The following PPP4R1 variants were observed in gnomAD, a reference collection of about 807,000 sequenced individuals.
PPP4R1 encodes serine/threonine-protein phosphatase 4 regulatory subunit 1.
PPP4R1 carries 42 observed loss-of-function variants against 111.2 expected under a neutral mutation model. The observed-to-expected ratio is 0.38, with a 90% CI of 0.29 to 0.49. PPP4R1 has a LOEUF of 0.49. PPP4R1 is among the 20% of genes least tolerant of loss of function. The pLI is 0.97. For missense variants in PPP4R1, 1,012 were observed against 1,161.6 expected (o/e 0.87, Z 1.87); for synonymous variants, 409 against 405.5 (o/e 1.01, Z -0.10).
Position 9,578,190 on chromosome 18 carries a change from T to C in PPP4R1, c.919-999A>G, listed in dbSNP as rs188727764. On this transcript the variant is annotated intron_variant, in intron 9 of 19. Transcript: ENST00000400556. ...AGGCAACAACAATGGGAAACTGGTATGTTACTAAAACCTTGACTTTGCCAC... is the reference window on the plus strand; with the variant it reads ...AGGCAACAACAATGGGAAACTGGTACGTTACTAAAACCTTGACTTTGCCAC... 1.2e-4 allele frequency among the ~76,000 whole-genome samples: 19 copies of C among 152,326 alleles called. No individual in the cohort carries two copies. In the East Asian group the frequency reaches 3.7e-3, roughly 29 times the overall value.
intron 2 of PPP4R1, among the ~76,000 whole-genome samples, chr18:9,609,056 C>CTA (rs1209069959): frequency 6.7e-6 from 1 of 150,276 alleles, no homozygotes; most frequent in African/African-American, 2.5e-5. Context: ...CTCTCTGTCT[C>CTA]TCTCTCTCTC....
chr18:9,593,783 A>G lies in PPP4R1; in HGVS notation c.280T>C (p.Leu94=). 6.2e-7 allele frequency: 1 copy of G among 1,613,476 alleles called. No individual in the cohort carries two copies. The change falls in exon 4 of 20, where the codon TTG becomes CTG. Residue 94 remains leucine, a synonymous_variant. Coordinates refer to ENST00000400556, the MANE Select transcript of PPP4R1 (RefSeq NM_001042388.3). ...CIAVLERISR[L]ADDSEPTVRA... ...CCACATATACCTGAATCATCGGCCA[A>G]TCTGCTAATTCTTTCCAAAACAGCA... is the stretch of plus-strand genomic sequence containing the variant.
intron 16 of PPP4R1, 36 bp from the exon 17 acceptor site, chr18:9,550,434 A>C (rs773735738): frequency 1.3e-6 from 2 of 1,552,758 alleles, no homozygotes. Context: ...AATGTTTAAA[A>C]ATCAGCGAGA....
upstream of PPP4R1, among the ~76,000 whole-genome samples, chr18:9,615,666 G>A (rs1239179054): frequency 6.6e-6 from 1 of 152,194 alleles, no homozygotes; most frequent in African/African-American, 2.4e-5. Flanking sequence ...CTCCAAAATG[G>A]TGTTCTCCTA....
intron 8 of PPP4R1, 125 bp from the exon 9 acceptor site, chr18:9,583,400 TCTTTTGC>T: frequency 7.9e-6 from 8 of 1,019,044 alleles, no homozygotes; most frequent in Non-Finnish European, 1.1e-5. Context: ...AGAGTCTCAC[TCTTTTGC>T]CCAGGCTGGA....
Position 9,614,494 on chromosome 18 carries a change from G to C in PPP4R1, c.-10C>G. 1 of 1,029,114 alleles carries C rather than the reference G, an allele frequency of 9.7e-7. No homozygotes were observed. 63.7% of individuals were successfully genotyped at this position (1,029,114 alleles called of 1,614,324 possible). A position where few individuals can be genotyped will look rare whatever the true frequency, so the allele number is the denominator to read the frequency against. On this transcript the variant is annotated 5_prime_UTR_variant, in exon 1 of 20. Transcript: ENST00000400556. The surrounding 1 kb of genome is among the most constrained non-coding windows in gnomAD (Gnocchi z 4.1). ...GCCACGTACCCGCCATCTTGTGGTC[G>C]CCCCCTCCTCCGCGGCCGCCCGGGG...
At chr18:9,558,395 C>T (rs535104148) in intron 14 of PPP4R1, among the ~76,000 whole-genome samples, 2 of 152,268 alleles carry the variant, frequency 1.3e-5, no homozygotes, top group South Asian at 2.1e-4. Flanking sequence ...ACTGAAAACA[C>T]GAATACACAG....
chr18:9,549,349 G>A lies in PPP4R1; in HGVS notation c.2548-11C>T. ...ATCCTCAATGACAGTCTGGGGAAGA[G>A]AAACAGCTGCTCTAGGCTTCTCTGT... is the stretch of plus-strand genomic sequence containing the variant. On this transcript the variant is annotated splice_polypyrimidine_tract_variant and intron_variant, in intron 18 of 19. Transcript: ENST00000400556. The A allele has an allele frequency of 6.3e-7, 1 of 1,592,918 alleles. No homozygotes were observed. The highest frequency in any genetic ancestry group is 8.6e-7 in the Non-Finnish European group (1 of 1,162,098).
At chr18:9,594,752 G>T (rs1186623777) in intron 3 of PPP4R1, 16 of 375,862 alleles carry the variant, frequency 4.3e-5, no homozygotes, top group South Asian at 3.0e-4. Context: ...CAATTTATAT[G>T]AATACCAAAA....
chr18:9,550,055 G>T lies in PPP4R1; in HGVS notation c.2544C>A (p.Cys848Ter), dbSNP rs1316715341. The change falls in exon 18 of 20, where the codon TGC becomes TGA. Residue 848 changes from cysteine (C) to a stop codon, truncating the protein, a stop_gained. Transcript: ENST00000400556. LOFTEE classifies it high-confidence loss of function. ...GTAAGCCCAGGGCCTCGCTTACCTG[G>T]CAGACAAAGACAAAGGCTTGCCGAC... ...WSGRQAFVFV[C>*]QTVIEDDCLP... 6.2e-7 allele frequency: 1 copy of T among 1,614,046 alleles called. No individual in the cohort carries two copies. Among genetic ancestry groups the T allele is most frequent in the Non-Finnish European group, 8.5e-7 (1 of 1,180,028 alleles).
intron 10 of PPP4R1, 26 bp from the exon 11 acceptor site, chr18:9,570,709 A>G: frequency 6.6e-7 from 1 of 1,504,184 alleles, no homozygotes; most frequent in Non-Finnish European, 8.8e-7. Flanking sequence ...TTGGTGGGAA[A>G]AAAACAATAT....
chr18:9,616,001 C>G (rs772095133), upstream of PPP4R1, among the ~76,000 whole-genome samples: 1 of 152,138 alleles, frequency 6.6e-6, no homozygotes, highest in East Asian at 1.9e-4. Flanking sequence ...CCCGTAACCC[C>G]GAGTATGTGT....
At chr18:9,600,334 AAGG>A (rs1334222433) in intron 2 of PPP4R1, among the ~76,000 whole-genome samples, 1 of 152,128 alleles carries the variant, frequency 6.6e-6, no homozygotes, top group Non-Finnish European at 1.5e-5. Context: ...AAAGTCTGGA[AAGG>A]AGTAACAGAG....
chr18:9,599,122 C>A (rs537827276), intron 2 of PPP4R1, among the ~76,000 whole-genome samples: 1 of 151,904 alleles, frequency 6.6e-6, no homozygotes, highest in Admixed American at 6.6e-5. Flanking sequence ...AATAAAAATA[C>A]GTACTAAGAA....
intron 9 of PPP4R1, among the ~76,000 whole-genome samples, chr18:9,581,499 T>C (rs978615334): frequency 4.0e-5 from 6 of 151,750 alleles, no homozygotes; most frequent in African/African-American, 1.2e-4. Flanking sequence ...CTATTGAAGA[T>C]AGATCAATAG....
intron 11 of PPP4R1, among the ~76,000 whole-genome samples, chr18:9,567,051 T>C (rs1568096811): frequency 6.6e-6 from 1 of 152,136 alleles, no homozygotes; most frequent in Non-Finnish European, 1.5e-5. Context: ...TTCTGTAAAG[T>C]TATAGCTGCC....
rs1363568035 is a variant in PPP4R1, at chr18:9,563,392, T to G, written c.1732A>C (p.Ser578Arg). 1 of 1,612,070 alleles carries G rather than the reference T, an allele frequency of 6.2e-7. No homozygotes were observed. Among genetic ancestry groups the G allele is most frequent in the Non-Finnish European group, 8.5e-7 (1 of 1,179,098 alleles). Residue 578 changes from serine (S) to arginine (R), a missense_variant, in exon 12 of 20, where the codon AGC becomes CGC. Ser to Arg is a moderately radical substitution (Grantham distance 110). Coordinates refer to ENST00000400556, the MANE Select transcript of PPP4R1 (RefSeq NM_001042388.3). ...GAGTTTGTTACCTCAACAGCATCGC[T>G]GATTAAAGGCACAGAATCTTCTTGA... ...INQEDSVPLI[S>R]DAVENMDSTL...
chr18:9,555,773 A>G (rs1445137166), intron 15 of PPP4R1, among the ~76,000 whole-genome samples: 1 of 152,208 alleles, frequency 6.6e-6, no homozygotes, highest in Non-Finnish European at 1.5e-5. Flanking sequence ...TAACATTTAA[A>G]TTTAATATGC....
intron 11 of PPP4R1, among the ~76,000 whole-genome samples, chr18:9,565,003 TG>T (rs1273354345): frequency 1.3e-5 from 2 of 152,072 alleles, no homozygotes; most frequent in African/African-American, 4.8e-5. Context: ...ACCACCATGC[TG>T]GGCGTGATAA....
Sources: allele counts gnomAD v4.1 joint callset (sites outside exome capture counted in the v4.1 genomes callset), GRCh38; gene constraint gnomAD v4.1.1; non-coding constraint Gnocchi (gnomAD v3.1); transcripts MANE v1.5; gene names NCBI Gene and HGNC (gene_info 2026-07-23, HGNC 2026-07-21).